The following GRIA3 variants were observed in gnomAD, a reference collection of about 807,000 sequenced individuals.
The protein encoded by GRIA3 is glutamate ionotropic receptor AMPA type subunit 3.
In GRIA3, 3 loss-of-function variants were observed where a neutral mutation model predicts 63.0. That is an observed-to-expected ratio of 0.05 (90% confidence interval 0.02 to 0.12). The LOEUF is 0.12. GRIA3 is among the 10% of genes least tolerant of loss of function. GRIA3 has a pLI of 1.00. For missense variants in GRIA3, 347 were observed against 700.9 expected (o/e 0.50, Z 5.70); for synonymous variants, 274 against 257.9 (o/e 1.06, Z -0.60).
At chrX:123,247,037 A>G (rs905970357) in intron 2 of GRIA3, among the ~76,000 whole-genome samples, 1 of 111,530 alleles carries the variant, frequency 9.0e-6, no homozygotes, top group Non-Finnish European at 1.9e-5. Flanking sequence ...GGTCCCTCCT[A>G]GCTCTAAGTT....
At chrX:123,288,516 T>C (rs1284150034) in intron 3 of GRIA3, among the ~76,000 whole-genome samples, 1 of 111,450 alleles carries the variant, frequency 9.0e-6, no homozygotes, top group African/African-American at 3.3e-5. Flanking sequence ...AATCTATCCA[T>C]CTGACAAAGG....
At chrX:123,219,682 A>G (rs1485363268) in intron 2 of GRIA3, among the ~76,000 whole-genome samples, 3 of 111,884 alleles carry the variant, frequency 2.7e-5, no homozygotes, top group African/African-American at 9.8e-5. Context: ...GACCTCCACA[A>G]GATCCAGCAG....
At position 123,470,580 on chromosome X, in the gene GRIA3, A is replaced by C. The variant is rs182591381; in HGVS notation, c.2324+5468A>C. Among the ~76,000 whole-genome samples, 175 of 111,990 alleles carry C rather than the reference A, an allele frequency of 1.6e-3. 1 individual carries two copies. The highest frequency in any genetic ancestry group is 5.5e-3 in the African/African-American group (171 of 30,873). On this transcript the variant is annotated intron_variant, in intron 13 of 15. Coordinates refer to ENST00000620443, the MANE Select transcript of GRIA3 (RefSeq NM_007325.5). ...GCAAGTCTTCTCTTCAAAGATAGTA[A>C]AAAGTTACACTCTCGGACAGCCCAT... is the stretch of plus-strand genomic sequence containing the variant.
chrX:123,220,591 C>T (rs929314356), intron 2 of GRIA3, among the ~76,000 whole-genome samples: 4 of 111,559 alleles, frequency 3.6e-5, no homozygotes, highest in African/African-American at 1.3e-4. Context: ...TACTGTCAAC[C>T]TTGCACTAAT....
At chrX:123,221,793 C>T (rs779091140) in intron 2 of GRIA3, among the ~76,000 whole-genome samples, 9 of 111,650 alleles carry the variant, frequency 8.1e-5, no homozygotes, top group African/African-American at 2.9e-4. Context: ...TATATATGAC[C>T]TTCCTATACA....
intron 12 of GRIA3, among the ~76,000 whole-genome samples, chrX:123,431,141 A>C (rs1603150754): frequency 9.0e-6 from 1 of 111,533 alleles, no homozygotes; most frequent in Non-Finnish European, 1.9e-5. Flanking sequence ...ATATGAACTC[A>C]TTTCTTCCCG....
chrX:123,329,664 T>C (rs1282812499), intron 4 of GRIA3, among the ~76,000 whole-genome samples: 3 of 111,419 alleles, frequency 2.7e-5, no homozygotes, highest in Non-Finnish European at 5.7e-5. Context: ...GTAGGGCACA[T>C]AGAGAATATT....
chrX:123,396,369 T>TG (rs1393553329), intron 6 of GRIA3, among the ~76,000 whole-genome samples: 4 of 110,451 alleles, frequency 3.6e-5, no homozygotes, highest in Non-Finnish European at 3.8e-5. Context: ...TTTATGCAAT[T>TG]GGTGTGTTCT....
chrX:123,406,200 G>C (rs772701376), intron 10 of GRIA3, among the ~76,000 whole-genome samples: 1 of 112,535 alleles, frequency 8.9e-6, no homozygotes, highest in Non-Finnish European at 1.9e-5. Context: ...CAGTAAACCG[G>C]TCACTAGAGA....
intron 11 of GRIA3, among the ~76,000 whole-genome samples, chrX:123,422,648 T>C (rs1374339632): frequency 4.5e-5 from 5 of 112,165 alleles, no homozygotes; most frequent in African/African-American, 1.3e-4. Flanking sequence ...CACTAAACCT[T>C]GCTAAGCCTC....
intron 3 of GRIA3, among the ~76,000 whole-genome samples, chrX:123,270,497 G>A (rs910566032): frequency 1.8e-5 from 2 of 112,402 alleles, no homozygotes; most frequent in African/African-American, 6.5e-5. Flanking sequence ...TGATCGTAGG[G>A]GCTGTCCCCG....
intron 12 of GRIA3, among the ~76,000 whole-genome samples, chrX:123,463,552 AAGG>A (rs1343278741): frequency 8.7e-5 from 1 of 11,444 alleles, no homozygotes; most frequent in African/African-American, 3.8e-4. Context: ...GAAAGAAGCG[AAGG>A]AAGGAAGGAA....
chrX:123,438,994 T>C (rs776582805), intron 12 of GRIA3, among the ~76,000 whole-genome samples: 1 of 112,108 alleles, frequency 8.9e-6, no homozygotes, highest in Admixed American at 9.5e-5. Context: ...AGTTTCATCT[T>C]GATATCATGA....
At chrX:123,485,715 G>C (rs771783230) in intron 15 of GRIA3, among the ~76,000 whole-genome samples, 2 of 111,764 alleles carry the variant, frequency 1.8e-5, no homozygotes, top group African/African-American at 6.5e-5. Context: ...TCAAGGCTCA[G>C]GGTCACATGA....
intron 6 of GRIA3, among the ~76,000 whole-genome samples, chrX:123,396,607 C>T (rs2045415333): frequency 8.9e-6 from 1 of 111,736 alleles, no homozygotes. Flanking sequence ...ATGTACTAAA[C>T]TGATATTTAC....
intron 3 of GRIA3, among the ~76,000 whole-genome samples, chrX:123,318,995 GA>G (rs1473613822): frequency 8.1e-5 from 9 of 111,702 alleles, no homozygotes; most frequent in Admixed American, 7.6e-4. Flanking sequence ...CAGCGGCAAG[GA>G]AAAATGAGGA....
chrX:123,464,776 A>C, intron 12 of GRIA3, 89 bp from the exon 13 acceptor site: 1 of 795,939 alleles, frequency 1.3e-6, no homozygotes, highest in Non-Finnish European at 1.9e-6. Flanking sequence ...ATTACTGTGG[A>C]TTGCAATTAA....
intron 2 of GRIA3, among the ~76,000 whole-genome samples, chrX:123,225,724 A>C (rs2044243211): frequency 8.9e-6 from 1 of 111,986 alleles, no homozygotes; most frequent in South Asian, 3.7e-4. Flanking sequence ...ATAACTTTTA[A>C]GGTGTAATGG....
chrX:123,404,287 C>T (rs1603136752), intron 9 of GRIA3, among the ~76,000 whole-genome samples: 1 of 110,491 alleles, frequency 9.1e-6, no homozygotes, highest in South Asian at 3.9e-4. Flanking sequence ...ATGCCACGGA[C>T]GCTGACCTCA....
Sources: gnomAD v4.1 joint callset for allele counts (sites outside exome capture counted in the v4.1 genomes callset) on GRCh38, gnomAD v4.1.1 for gene constraint, MANE v1.5 for transcripts, NCBI Gene and HGNC (gene_info 2026-07-23, HGNC 2026-07-21) for gene names.